CACNA1C: variants seen among roughly 807,000 people sequenced by gnomAD.
CACNA1C encodes voltage-dependent L-type calcium channel subunit alpha-1C.
Under a neutral mutation model 229.0 loss-of-function variants are expected in CACNA1C, and 30 were observed. The ratio of observed to expected loss-of-function variants is 0.13; its 90% CI spans 0.10 to 0.18. CACNA1C has a LOEUF of 0.18. CACNA1C is among the 10% of genes least tolerant of loss of function. The pLI is 1.00. For missense variants in CACNA1C, 1,658 were observed against 2,845.0 expected (o/e 0.58, Z 9.49); for synonymous variants, 1,114 against 1,132.5 (o/e 0.98, Z 0.33).
At chr12:2,545,601 A>G (rs2099879655) in intron 9 of CACNA1C, among the ~76,000 whole-genome samples, 1 of 152,238 alleles carries the variant, frequency 6.6e-6, no homozygotes, top group Non-Finnish European at 1.5e-5. Flanking sequence ...AAATAAACAT[A>G]AAATAAATAG....
chr12:2,417,470 G>A (rs538012015), intron 3 of CACNA1C, among the ~76,000 whole-genome samples: 4 of 152,290 alleles, frequency 2.6e-5, no homozygotes, highest in East Asian at 1.9e-4. Flanking sequence ...TTGTCTCTGG[G>A]GATAGGGCCC....
intron 3 of CACNA1C, among the ~76,000 whole-genome samples, chr12:2,330,965 A>C (rs573305635): frequency 2.1e-4 from 32 of 152,318 alleles, no homozygotes; most frequent in African/African-American, 7.2e-4. Context: ...GATAGTTACA[A>C]CTTTAAAAAA....
intron 3 of CACNA1C, among the ~76,000 whole-genome samples, chr12:2,312,814 A>AT (rs371489291): frequency 0.015 from 2,283 of 150,066 alleles, 31 homozygotes; most frequent in Admixed American, 0.026. Flanking sequence ...AGCCTCAGGG[A>AT]TTTTTTTTTT....
At chr12:2,019,987 T>C (rs1593817636) in intron 1 of CACNA1C, 1 of 152,210 alleles carries the variant, frequency 6.6e-6, no homozygotes, top group East Asian at 1.9e-4. Context: ...TGTTTAAAGG[T>C]ATACATTTCT....
intron 1 of CACNA1C, among the ~76,000 whole-genome samples, chr12:2,107,354 GC>G (rs1478355151): frequency 1.5e-5 from 1 of 64,960 alleles, no homozygotes; most frequent in Non-Finnish European, 3.4e-5. Context: ...ACCACTGGGC[GC>G]CCACCCCGGG....
chr12:2,137,984 T>C (rs2093725620), intron 3 of CACNA1C, among the ~76,000 whole-genome samples: 1 of 151,540 alleles, frequency 6.6e-6, no homozygotes, highest in African/African-American at 2.4e-5. Flanking sequence ...CTCCCTGTTT[T>C]CTCACTGGGT....
chr12:2,356,508 G>A (rs564512317), intron 3 of CACNA1C, among the ~76,000 whole-genome samples: 2 of 152,260 alleles, frequency 1.3e-5, no homozygotes, highest in Non-Finnish European at 2.9e-5. Flanking sequence ...GGGCAGGCAG[G>A]CGGCTGGCTC....
intron 3 of CACNA1C, among the ~76,000 whole-genome samples, chr12:2,141,959 G>C (rs1470481110): frequency 6.6e-6 from 1 of 151,194 alleles, no homozygotes; most frequent in Non-Finnish European, 1.5e-5. Context: ...AAGGGATGAC[G>C]TGGGAAGGGT....
chr12:2,687,068 G>C (rs1187751002), intron 45 of CACNA1C, among the ~76,000 whole-genome samples: 2 of 152,232 alleles, frequency 1.3e-5, no homozygotes, highest in Admixed American at 6.5e-5. Context: ...TGGCTGAGTT[G>C]ATAGTACTTC....
chr12:2,123,579 C>A (rs766197654), intron 3 of CACNA1C, among the ~76,000 whole-genome samples: 1 of 152,158 alleles, frequency 6.6e-6, no homozygotes, highest in Admixed American at 6.5e-5. Context: ...ATTCTCTCTC[C>A]CACCACACGA....
intron 1 of CACNA1C, among the ~76,000 whole-genome samples, chr12:1,990,099 G>C (rs75174111): frequency 0.018 from 2,676 of 152,200 alleles, 79 homozygotes; most frequent in African/African-American, 0.059. Context: ...AAGGTTTCTT[G>C]GTTCAAGTGG....
At chr12:2,065,443 T>C (rs772127398) in intron 1 of CACNA1C, among the ~76,000 whole-genome samples, 6 of 152,224 alleles carry the variant, frequency 3.9e-5, no homozygotes, top group Admixed American at 6.5e-5. Context: ...TGGTTAGTCA[T>C]TAACAAAAAG....
intron 3 of CACNA1C, among the ~76,000 whole-genome samples, chr12:2,213,131 G>C (rs1374214694): frequency 6.6e-6 from 1 of 152,154 alleles, no homozygotes; most frequent in Non-Finnish European, 1.5e-5. Flanking sequence ...AGAAAAGTCA[G>C]TCAGGAGCCA....
At chr12:2,347,500 G>A (rs1015134501) in intron 3 of CACNA1C, among the ~76,000 whole-genome samples, 2 of 152,208 alleles carry the variant, frequency 1.3e-5, no homozygotes, top group Admixed American at 6.5e-5. Context: ...TGAGTGCAGC[G>A]GGCTGAGGAT....
At chr12:2,668,224 C>T (rs1028861176) in intron 37 of CACNA1C, among the ~76,000 whole-genome samples, 6 of 152,140 alleles carry the variant, frequency 3.9e-5, no homozygotes, top group African/African-American at 1.2e-4. Context: ...CACACCTGCA[C>T]GCCTGAGCAG....
rs1001407683 is a variant in CACNA1C at position 2,479,522 on chromosome 12, C to T, written c.758-6582C>T. Reference sequence around the variant, plus strand: ...TTTGGCTAAAGTTTATTTGGAAATACAGAAGGCATAACTTGCTTTGGTAGG... The same window carrying T: ...TTTGGCTAAAGTTTATTTGGAAATATAGAAGGCATAACTTGCTTTGGTAGG... On this transcript the variant is annotated intron_variant, in intron 5 of 46. Coordinates refer to ENST00000399655, the MANE Select transcript of CACNA1C (RefSeq NM_000719.7). The surrounding 1 kb of genome is among the most constrained non-coding windows in gnomAD (Gnocchi z 4.3). Among the ~76,000 whole-genome samples the T allele has an allele frequency of 1.3e-5, 2 of 152,238 alleles. No individual in the cohort carries two copies. Among genetic ancestry groups the T allele is most frequent in the Admixed American group, 1.3e-4 (2 of 15,284 alleles).
At position 2,641,955 on chromosome 12, in the gene CACNA1C, C is replaced by A. The variant is rs75808668; in HGVS notation, c.3913-6520C>A. ...CAGTCCCCTGGGAGGAGGCCGAATG[C>A]CCCGGATCTCAAGGTCTAGGGCGAG... On this transcript the variant is annotated intron_variant, in intron 30 of 46. Coordinates refer to ENST00000399655, the MANE Select transcript of CACNA1C (RefSeq NM_000719.7). Among the ~76,000 whole-genome samples the A allele has an allele frequency of 0.017, 2,646 of 152,162 alleles. 32 individuals carry two copies. Among genetic ancestry groups the A allele is most frequent in the Non-Finnish European group, 0.029 (1,960 of 68,008 alleles).
chr12:2,192,131 C>T lies in CACNA1C; in HGVS notation c.477+71701C>T, dbSNP rs75968304. The stretch of plus-strand genomic sequence containing the variant: ...ACACACACCCCCTCCCTCCCTCTCA[C>T]GGTTTTTGGTTCAGCCTGCACTCAA... On this transcript the variant is annotated intron_variant, in intron 3 of 46. Coordinates refer to ENST00000399655, the MANE Select transcript of CACNA1C (RefSeq NM_000719.7). 9.6e-3 allele frequency among the ~76,000 whole-genome samples: 1,459 copies of T among 152,260 alleles called. 24 individuals carry two copies. Among genetic ancestry groups the T allele is most frequent in the African/African-American group, 0.032 (1,332 of 41,536 alleles).
In CACNA1C at chr12:2,185,433, G is replaced by A. The variant is rs373313329; in HGVS notation, c.477+65003G>A. On this transcript the variant is annotated intron_variant, in intron 3 of 46. Transcript: ENST00000399655. ...GTCCCCCCAAAACTCATGTGTTGAA[G>A]CCCTGTCTCCTGTACTTCTAGAATG... Among the ~76,000 whole-genome samples, 39 of 152,326 alleles carry A rather than the reference G, an allele frequency of 2.6e-4. No individual in the cohort carries two copies. The East Asian group carries it at 6.8e-3, about 26-fold the overall frequency.
Sources: allele counts gnomAD v4.1 joint callset (sites outside exome capture counted in the v4.1 genomes callset), GRCh38; gene constraint gnomAD v4.1.1; non-coding constraint Gnocchi (gnomAD v3.1); transcripts MANE v1.5; gene names NCBI Gene and HGNC (gene_info 2026-07-23, HGNC 2026-07-21).